Variants in CUX2 observed in about 807,000 individuals in gnomAD.
CUX2 encodes cut like homeobox 2.
A neutral mutation model predicts 144.8 loss-of-function variants in CUX2; 40 were observed. That is an observed-to-expected ratio of 0.28 (90% CI 0.21 to 0.36). The LOEUF (loss-of-function observed/expected upper bound fraction) is 0.36, where lower values mean the gene tolerates loss of function less well. CUX2 is among the 10% of genes least tolerant of loss of function. CUX2 has a pLI of 1.00. For synonymous variants in CUX2, 827 were observed against 875.6 expected, an observed-to-expected ratio of 0.94 and a Z score of 0.98; for missense variants, 1,615 against 1,994.0, an observed-to-expected ratio of 0.81 and a Z score of 3.62.
chr12:111,210,818 T>C (rs538421398), intron 1 of CUX2, among the ~76,000 whole-genome samples: 1 of 148,846 alleles, frequency 6.7e-6, no homozygotes, highest in South Asian at 2.2e-4. Context: ...AAAGACAACA[T>C]TTATTGAACA....
At chr12:111,104,195 G>A (rs1437450856) in intron 1 of CUX2, among the ~76,000 whole-genome samples, 1 of 152,148 alleles carries the variant, frequency 6.6e-6, no homozygotes. Flanking sequence ...TGTCCTGGCT[G>A]CACCATGTTC....
Position 111,064,153 on chromosome 12 carries a change from G to A in CUX2, c.63+29913G>A, listed in dbSNP as rs114042538. On this transcript the variant is annotated intron_variant, in intron 1 of 21. Coordinates refer to ENST00000261726, the MANE Select transcript of CUX2 (RefSeq NM_015267.4). ...CTTAGGAGTGGGCAGGAAAGACCCT[G>A]GGCCTTCCAAGCTTGTAGAGACAAA... Among the ~76,000 whole-genome samples, 689 of 152,270 alleles carry A rather than the reference G, an allele frequency of 4.5e-3. 6 individuals are homozygous for A. The highest frequency in any genetic ancestry group is 0.016 in the African/African-American group (650 of 41,538).
intron 1 of CUX2, among the ~76,000 whole-genome samples, chr12:111,109,415 G>A (rs531441099): frequency 6.6e-6 from 1 of 152,308 alleles, no homozygotes; most frequent in Admixed American, 6.5e-5. Flanking sequence ...TAACAGAAGT[G>A]TCTTAATCCA....
intron 1 of CUX2, among the ~76,000 whole-genome samples, chr12:111,148,519 G>T (rs548474787): frequency 6.6e-6 from 1 of 152,102 alleles, no homozygotes; most frequent in Non-Finnish European, 1.5e-5. Flanking sequence ...GGTTAAAATT[G>T]TAAATTTTAT....
chr12:111,328,661 G>A (rs1362783063), intron 18 of CUX2, among the ~76,000 whole-genome samples: 1 of 151,576 alleles, frequency 6.6e-6, no homozygotes, highest in African/African-American at 2.4e-5. Flanking sequence ...GTGCAATGGT[G>A]TGATCTCGGC....
intron 1 of CUX2, among the ~76,000 whole-genome samples, chr12:111,101,445 G>T (rs891724250): frequency 1.3e-5 from 2 of 152,222 alleles, no homozygotes; most frequent in African/African-American, 4.8e-5. Context: ...TCTCCACAGA[G>T]CCATGGAGCC....
chr12:111,042,064 C>T (rs1457091558), intron 1 of CUX2, among the ~76,000 whole-genome samples: 1 of 152,216 alleles, frequency 6.6e-6, no homozygotes, highest in African/African-American at 2.4e-5. Flanking sequence ...ATGCATTTGC[C>T]ATTAAAAACA....
rs549625237 is a variant in CUX2 at position 111,225,143 on chromosome 12, T to G, written c.222+7206T>G. On this transcript the variant is annotated intron_variant, in intron 3 of 21. Coordinates refer to ENST00000261726, the MANE Select transcript of CUX2 (RefSeq NM_015267.4). ...CTGGTCCTCTGTTTTTAAATGGTGG[T>G]AATAGTACCCACTTCATAGGAGTGA... Among the ~76,000 whole-genome samples, 6 of 152,276 alleles carry G rather than the reference T, an allele frequency of 3.9e-5. No individual in the cohort carries two copies. The South Asian group carries it at 1.2e-3, about 32-fold the overall frequency.
rs181591596 is a variant in CUX2, at chr12:111,327,099, C to G, written c.2926+4519C>G. On this transcript the variant is annotated intron_variant, in intron 18 of 21. Coordinates refer to ENST00000261726, the MANE Select transcript of CUX2 (RefSeq NM_015267.4). Reference sequence around the variant, plus strand: ...CAGTCATTGCCCATCCTCCTTCCCCCCAGCTCCTGGAATTCCGCTTTCTTT... The same window carrying G: ...CAGTCATTGCCCATCCTCCTTCCCCGCAGCTCCTGGAATTCCGCTTTCTTT... 5.3e-5 allele frequency among the ~76,000 whole-genome samples: 8 copies of G among 152,312 alleles called. No homozygotes were observed. The East Asian group carries it at 1.5e-3, about 29-fold the overall frequency.
At chr12:111,119,202 A>G (rs1874479508) in intron 1 of CUX2, among the ~76,000 whole-genome samples, 1 of 152,196 alleles carries the variant, frequency 6.6e-6, no homozygotes, top group African/African-American at 2.4e-5. Flanking sequence ...GGCCATGTAA[A>G]AGTAGCCATA....
chr12:111,209,253 C>T (rs1881079849), intron 1 of CUX2, among the ~76,000 whole-genome samples: 1 of 152,140 alleles, frequency 6.6e-6, no homozygotes, highest in Non-Finnish European at 1.5e-5. Flanking sequence ...AAAAACTAGC[C>T]TGGCGTGGTA....
chr12:111,203,642 C>T (rs1283119103), intron 1 of CUX2, among the ~76,000 whole-genome samples: 1 of 151,932 alleles, frequency 6.6e-6, no homozygotes, highest in Admixed American at 6.6e-5. Flanking sequence ...AAGCCCAACA[C>T]GAATCATATG....
chr12:111,301,450 A>G (rs1461545853), intron 9 of CUX2, among the ~76,000 whole-genome samples: 2 of 152,134 alleles, frequency 1.3e-5, no homozygotes, highest in Non-Finnish European at 1.5e-5. Context: ...GGACAGAGAC[A>G]AGGACGCTGG....
intron 1 of CUX2, among the ~76,000 whole-genome samples, chr12:111,095,743 G>A (rs1872776511): frequency 6.6e-6 from 1 of 152,132 alleles, no homozygotes; most frequent in Non-Finnish European, 1.5e-5. Context: ...AAATTGTATT[G>A]ATCAATATTA....
chr12:111,048,567 A>G (rs78195541), intron 1 of CUX2, among the ~76,000 whole-genome samples: 5,333 of 152,206 alleles, frequency 0.035, 330 homozygotes, highest in African/African-American at 0.12. Context: ...TCTCCTGGAC[A>G]TAGAGCTGGT....
chr12:111,104,230 A>G (rs564401449), intron 1 of CUX2, among the ~76,000 whole-genome samples: 1 of 152,254 alleles, frequency 6.6e-6, no homozygotes, highest in African/African-American at 2.4e-5. Context: ...AGGGTCCTTC[A>G]TAGGCCAAAG....
At chr12:111,332,120 C>A (rs1385642388) in intron 18 of CUX2, among the ~76,000 whole-genome samples, 1 of 146,774 alleles carries the variant, frequency 6.8e-6, no homozygotes, top group African/African-American at 2.5e-5. Flanking sequence ...GTTTAAAAAT[C>A]TGTCTACCTT....
chr12:111,243,271 A>G (rs1329769930), intron 3 of CUX2, among the ~76,000 whole-genome samples: 1 of 152,200 alleles, frequency 6.6e-6, no homozygotes, highest in African/African-American at 2.4e-5. Flanking sequence ...AAGAAAACTC[A>G]AGTCATTGTA....
intron 18 of CUX2, among the ~76,000 whole-genome samples, chr12:111,334,014 C>G (rs1321197874): frequency 6.6e-6 from 1 of 151,636 alleles, no homozygotes; most frequent in East Asian, 1.9e-4. Flanking sequence ...GGTGAAACCC[C>G]GTCTCTACTA....
Sources: allele counts gnomAD v4.1 joint callset (sites outside exome capture counted in the v4.1 genomes callset), GRCh38; gene constraint gnomAD v4.1.1; transcripts MANE v1.5; gene names NCBI Gene and HGNC (gene_info 2026-07-23, HGNC 2026-07-21).